MSH3: variants seen among roughly 807,000 people sequenced by gnomAD.
The protein encoded by MSH3 is DNA mismatch repair protein Msh3.
Under a neutral mutation model 123.3 loss-of-function variants are expected in MSH3, and 106 were observed. The observed-to-expected ratio is 0.86, with a 90% CI of 0.73 to 1.01. The LOEUF (loss-of-function observed/expected upper bound fraction) is 1.01, where lower values mean the gene tolerates loss of function less well. Ranked by LOEUF, MSH3 falls within the 50% of genes least tolerant of loss-of-function variation. The pLI is 0.00. For synonymous variants in MSH3, 515 were observed against 481.4 expected, an observed-to-expected ratio of 1.07 and a Z score of -0.91; for missense variants, 1,459 against 1,347.6, an observed-to-expected ratio of 1.08 and a Z score of -1.29.
chr5:80,738,594 G>T (rs1743555459), intron 10 of MSH3, among the ~76,000 whole-genome samples: 1 of 152,134 alleles, frequency 6.6e-6, no homozygotes, highest in Non-Finnish European at 1.5e-5. Context: ...CAACTGGGCA[G>T]TATTTCTGGA....
intron 12 of MSH3, among the ~76,000 whole-genome samples, chr5:80,760,052 A>G (rs975998690): frequency 4.6e-5 from 7 of 152,222 alleles, no homozygotes; most frequent in South Asian, 2.1e-4. Context: ...GAAAGTCCTC[A>G]GTCTGATTGT....
intron 10 of MSH3, among the ~76,000 whole-genome samples, chr5:80,732,622 T>C (rs1274931962): frequency 2.0e-5 from 3 of 152,142 alleles, no homozygotes; most frequent in African/African-American, 7.2e-5. Context: ...CAGTATCTTT[T>C]GATTATAGGC....
intron 15 of MSH3, among the ~76,000 whole-genome samples, chr5:80,771,984 T>A (rs40300): frequency 0.84 from 127,466 of 152,158 alleles, 53,423 homozygotes; most frequent in East Asian, 1. Context: ...GTATGAATGT[T>A]TGTGTGTATG....
At chr5:80,786,881 T>C (rs1452816114) in intron 17 of MSH3, among the ~76,000 whole-genome samples, 3 of 151,886 alleles carry the variant, frequency 2.0e-5, no homozygotes, top group Non-Finnish European at 4.4e-5. Flanking sequence ...TCAATAAATA[T>C]TATAGTTTTA....
chr5:80,829,160 C>T (rs1029411396), intron 20 of MSH3, among the ~76,000 whole-genome samples: 2 of 152,206 alleles, frequency 1.3e-5, no homozygotes, highest in African/African-American at 2.4e-5. Flanking sequence ...AGTACTGTTA[C>T]ATTGGAGATT....
chr5:80,842,362 T>G lies in MSH3; in HGVS notation c.2814-11768T>G, dbSNP rs185086391. ...ATGATGCCTCCAGCTTTGTTCTTTT[T>G]GCTTAGGATTGTCTTGGCAATGCAG... On this transcript the variant is annotated intron_variant, in intron 20 of 23. Transcript: ENST00000265081. Among the ~76,000 whole-genome samples, 766 of 152,308 alleles carry G rather than the reference T, an allele frequency of 5.0e-3. 1 individual carries two copies. Among genetic ancestry groups the G allele is most frequent in the Non-Finnish European group, 8.5e-3 (577 of 68,026 alleles).
intron 11 of MSH3, among the ~76,000 whole-genome samples, 157 bp downstream of exon 11, chr5:80,741,705 G>A (rs1294357886): frequency 6.6e-6 from 1 of 152,152 alleles, no homozygotes; most frequent in African/African-American, 2.4e-5. Context: ...AGAATGAACT[G>A]TACATAATAT....
chr5:80,737,361 TG>T (rs1461403317), intron 10 of MSH3, among the ~76,000 whole-genome samples: 7 of 152,190 alleles, frequency 4.6e-5, no homozygotes, highest in Non-Finnish European at 7.3e-5. Context: ...TAGAGTAATA[TG>T]GAGTTGATTT....
intron 20 of MSH3, among the ~76,000 whole-genome samples, chr5:80,841,613 G>A (rs1745626873): frequency 6.6e-6 from 1 of 152,210 alleles, no homozygotes; most frequent in Admixed American, 6.5e-5. Flanking sequence ...GGAATGAGAT[G>A]GTATGTCATT....
intron 22 of MSH3, among the ~76,000 whole-genome samples, chr5:80,870,626 T>C (rs1275667172): frequency 6.6e-6 from 1 of 152,156 alleles, no homozygotes; most frequent in Non-Finnish European, 1.5e-5. Context: ...GAAGTTTAGG[T>C]CTGTGTTTCT....
chr5:80,805,142 G>A (rs2112042023), intron 19 of MSH3, among the ~76,000 whole-genome samples: 1 of 152,324 alleles, frequency 6.6e-6, no homozygotes, highest in South Asian at 2.1e-4. Flanking sequence ...CACATTTCAT[G>A]TTTCAATAGA....
At chr5:80,796,134 T>G (rs1476883312) in intron 19 of MSH3, among the ~76,000 whole-genome samples, 3 of 152,196 alleles carry the variant, frequency 2.0e-5, no homozygotes, top group African/African-American at 7.2e-5. Flanking sequence ...TAAAATAATT[T>G]CCTGTTACTG....
chr5:80,814,744 T>C (rs1320483433), intron 20 of MSH3, among the ~76,000 whole-genome samples: 3 of 152,208 alleles, frequency 2.0e-5, no homozygotes, highest in Non-Finnish European at 4.4e-5. Flanking sequence ...TGAAACAAAC[T>C]GCAAAAGGCA....
chr5:80,750,047 CT>C (rs1386965668), intron 12 of MSH3, among the ~76,000 whole-genome samples: 16 of 117,656 alleles, frequency 1.4e-4, no homozygotes, highest in South Asian at 2.8e-4. Flanking sequence ...GAATTTACTG[CT>C]TTTTTTTTTA....
At chr5:80,805,615 G>A (rs1744875797) in intron 19 of MSH3, among the ~76,000 whole-genome samples, 1 of 80,350 alleles carries the variant, frequency 1.2e-5, no homozygotes, top group Non-Finnish European at 2.2e-5. Context: ...TTTTTTTTGA[G>A]ATGGAGTCTT....
intron 20 of MSH3, among the ~76,000 whole-genome samples, chr5:80,833,935 A>G (rs1047649145): frequency 2.8e-4 from 42 of 152,266 alleles, no homozygotes; most frequent in Non-Finnish European, 5.9e-4. Context: ...CAGGTATAAG[A>G]TGTTATTCAG....
chr5:80,731,405 A>T (rs898050165), intron 10 of MSH3, among the ~76,000 whole-genome samples: 1 of 152,136 alleles, frequency 6.6e-6, no homozygotes, highest in Admixed American at 6.5e-5. Flanking sequence ...TGTATCATCT[A>T]ATCTACCTGT....
chr5:80,682,381 T>C (rs115345452), intron 8 of MSH3, among the ~76,000 whole-genome samples: 1,896 of 152,242 alleles, frequency 0.012, 36 homozygotes, highest in African/African-American at 0.043. Context: ...GTACCTGCTG[T>C]AGAAGGCTCT....
chr5:80,818,617 T>A (rs2448492), intron 20 of MSH3, among the ~76,000 whole-genome samples: 2 of 151,998 alleles, frequency 1.3e-5, no homozygotes, highest in African/African-American at 4.8e-5. Flanking sequence ...CTTAAAAAAA[T>A]GTTTAAGTGA....
Sources: gnomAD v4.1 joint callset for allele counts (sites outside exome capture counted in the v4.1 genomes callset) on GRCh38, gnomAD v4.1.1 for gene constraint, MANE v1.5 for transcripts, NCBI Gene and HGNC (gene_info 2026-07-23, HGNC 2026-07-21) for gene names.